STK38: variants seen among roughly 807,000 people sequenced by gnomAD.
The protein encoded by STK38 is serine/threonine kinase 38.
Under a neutral mutation model 59.0 loss-of-function variants are expected in STK38, and 26 were observed. The ratio of observed to expected loss-of-function variants is 0.44; its 90% CI spans 0.32 to 0.61. The LOEUF is 0.61. Among genes scored for constraint, STK38 ranks in the 20% least tolerant of loss-of-function variants. The pLI is 0.04. For missense variants in STK38, 433 were observed against 566.0 expected (o/e 0.76, Z 2.38); for synonymous variants, 175 against 176.6 (o/e 0.99, Z 0.07).
chr6:36,546,698 C>T (rs542728629), intron 1 of STK38, among the ~76,000 whole-genome samples: 1 of 152,290 alleles, frequency 6.6e-6, no homozygotes, highest in African/African-American at 2.4e-5. Context: ...TGATTTGAAG[C>T]TTATCTGAAG....
intron 7 of STK38, among the ~76,000 whole-genome samples, chr6:36,508,482 C>T (rs753432354): frequency 2.0e-5 from 3 of 152,186 alleles, no homozygotes; most frequent in African/African-American, 7.2e-5. Context: ...TATAGCTTTT[C>T]CTCCTCTTAT....
At chr6:36,502,147 T>A (rs1776856055) in intron 9 of STK38, among the ~76,000 whole-genome samples, 1 of 152,134 alleles carries the variant, frequency 6.6e-6, no homozygotes, top group East Asian at 1.9e-4. Flanking sequence ...GGATCTCTTT[T>A]TTTTTCTTTT....
At chr6:36,538,661 A>G (rs985397676) in intron 2 of STK38, among the ~76,000 whole-genome samples, 26 of 152,334 alleles carry the variant, frequency 1.7e-4, no homozygotes, top group African/African-American at 5.8e-4. Context: ...TAACCCCAGC[A>G]CTTTGGGAGG....
In STK38 at chr6:36,508,595, T is replaced by C. The variant is rs140685342; in HGVS notation, c.670-993A>G. 4.1e-3 allele frequency among the ~76,000 whole-genome samples: 619 copies of C among 152,366 alleles called. 4 individuals are homozygous for C. The highest frequency in any genetic ancestry group is 0.017 in the Middle Eastern group (5 of 294). On this transcript the variant is annotated intron_variant, in intron 7 of 13. Coordinates refer to ENST00000229812, the MANE Select transcript of STK38 (RefSeq NM_007271.4). ...GCTATTGCCATGAGATCCTTGGGCT[T>C]CTAGCCAGAAGCCTCTGTGGTCATT... is the stretch of plus-strand genomic sequence containing the variant.
At chr6:36,530,782 C>T (rs112740031) in intron 2 of STK38, among the ~76,000 whole-genome samples, 8,578 of 151,602 alleles carry the variant, frequency 0.057, 566 homozygotes, top group Admixed American at 0.17. Context: ...CTCTGCTTCC[C>T]GGGTTCAGGT....
chr6:36,515,384 A>C lies in STK38; in HGVS notation c.623T>G (p.Phe208Cys). The part of the protein sequence containing the change: ...LAIDSIHQLG[F>C]IHRDIKPDNL... ...GTCTGGTTTGATGTCTCTGTGGATG[A>C]ATCCAAGTTGGTGAATAGAGTCTAT... The change falls in exon 7 of 14, where the codon TTC (phenylalanine) becomes TGC (cysteine). Residue 208 changes from phenylalanine to cysteine, a missense_variant. By Grantham distance (205) the Phe-to-Cys change is radical (BLOSUM62 -2). Around this residue, in one of 3 missense-constraint regions of STK38, gnomAD observed 293 missense variants for 388.2 expected, o/e 0.75. Transcript: ENST00000229812. The C allele has an allele frequency of 6.2e-7, 1 of 1,614,108 alleles. No individual in the cohort carries two copies. Among genetic ancestry groups the C allele is most frequent in the Non-Finnish European group, 8.5e-7 (1 of 1,180,022 alleles).
intron 9 of STK38, among the ~76,000 whole-genome samples, chr6:36,502,724 C>A (rs1776869659): frequency 6.6e-6 from 1 of 152,164 alleles, no homozygotes; most frequent in Admixed American, 6.5e-5. Flanking sequence ...AACATGTACT[C>A]CTCCTCGTCT....
At chr6:36,504,889 C>A (rs534028914) in intron 9 of STK38, among the ~76,000 whole-genome samples, 2 of 106,808 alleles carry the variant, frequency 1.9e-5, no homozygotes, top group East Asian at 5.6e-4. Flanking sequence ...AAGGTTAAAT[C>A]CTGGCCTCCA....
intron 3 of STK38, among the ~76,000 whole-genome samples, chr6:36,525,028 T>C (rs1457827649): frequency 6.6e-6 from 1 of 152,092 alleles, no homozygotes; most frequent in African/African-American, 2.4e-5. Context: ...GATGGATATT[T>C]TGCCTTAATA....
In STK38 at chr6:36,513,848, T is replaced by TAAAAA. The variant is rs1178706954; in HGVS notation, c.669+1485_669+1489dup. On this transcript the variant is annotated intron_variant, in intron 7 of 13. Transcript: ENST00000229812. ...GCGAGACCTCATCTCTACTAAAAAT[T>TAAAAA]AAAAAAAAAAAAAAAAAAAAAAAAA... Among the ~76,000 whole-genome samples the TAAAAA allele has an allele frequency of 4.8e-3, 306 of 63,814 alleles. 5 individuals carry two copies. Among genetic ancestry groups the TAAAAA allele is most frequent in the East Asian group, 0.023 (42 of 1,844 alleles). The allele number at this position is 63,814 out of a possible 152,430, so 41.9% of individuals were successfully genotyped here.
At chr6:36,510,596 C>T (rs1777085760) in intron 7 of STK38, among the ~76,000 whole-genome samples, 1 of 152,254 alleles carries the variant, frequency 6.6e-6, no homozygotes, top group Non-Finnish European at 1.5e-5. Context: ...ATCTTCCCAG[C>T]AGAGGCTCCA....
rs765971207 is a variant in STK38 at position 36,507,526 on chromosome 6, A to G, written c.746T>C (p.Leu249Pro). 8 of 1,614,044 alleles carry G rather than the reference A, an allele frequency of 5.0e-6. No homozygotes were observed. The highest frequency in any genetic ancestry group is 6.8e-6 in the Non-Finnish European group (8 of 1,180,012). Residue 249 changes from leucine to proline, a missense_variant, in exon 8 of 14, where the codon CTG becomes CCG. Coordinates refer to ENST00000229812, the MANE Select transcript of STK38 (RefSeq NM_007271.4). ...GAAATCACTGGGGAGGCTGTGGTTC[A>G]GATTCCTATAAAATTCTGTCCTATG... Reference protein sequence around the residue: ...KAHRTEFYRNLNHSLPSDFTF... With the variant: ...KAHRTEFYRNPNHSLPSDFTF...
At position 36,495,925 on chromosome 6, in the gene STK38, A is replaced by G; in HGVS notation, c.1268-11T>C. On this transcript the variant is annotated splice_polypyrimidine_tract_variant and intron_variant, in intron 13 of 13. Coordinates refer to ENST00000229812, the MANE Select transcript of STK38 (RefSeq NM_007271.4). Reference sequence around the variant, plus strand: ...GATTACTTGTGGCCACTGGGAAAGAAATAGATGTGAGAGTTGATTCACTGC... The same window carrying G: ...GATTACTTGTGGCCACTGGGAAAGAGATAGATGTGAGAGTTGATTCACTGC... The G allele has an allele frequency of 1.2e-6, 2 of 1,613,860 alleles. No individual in the cohort carries two copies. The highest frequency in any genetic ancestry group is 1.7e-6 in the Non-Finnish European group (2 of 1,179,840).
At chr6:36,513,874 G>C (rs1266665996) in intron 7 of STK38, among the ~76,000 whole-genome samples, 1 of 115,422 alleles carries the variant, frequency 8.7e-6, no homozygotes, top group East Asian at 4.5e-4. Flanking sequence ...AAAAAAAAAA[G>C]GCCAGGCTTG....
At chr6:36,504,749 G>A (rs2127469427) in intron 9 of STK38, among the ~76,000 whole-genome samples, 1 of 151,948 alleles carries the variant, frequency 6.6e-6, no homozygotes, top group South Asian at 2.1e-4. Flanking sequence ...TAGAACTATA[G>A]AAATGGTTCC....
Position 36,497,872 on chromosome 6 carries a change from G to A in STK38, c.1080C>T (p.Phe360=). The A allele has an allele frequency of 6.2e-7, 1 of 1,607,874 alleles. No individual in the cohort carries two copies. Among genetic ancestry groups the A allele is most frequent in the South Asian group, 1.1e-5 (1 of 90,236 alleles). Residue 360 remains phenylalanine (F), a synonymous_variant, in exon 12 of 14, where the codon TTC becomes TTT. Coordinates refer to ENST00000229812, the MANE Select transcript of STK38 (RefSeq NM_007271.4). ...CAATTCTATGTTCCCATTCACAGCA[G>A]AACCTGGAAAAGACAGAGGCCTTTC... ...SEKAKDLILR[F]CCEWEHRIGA... is the part of the protein sequence containing the mutation.
chr6:36,534,939 TA>T (rs1005441508), intron 2 of STK38, among the ~76,000 whole-genome samples: 51 of 150,222 alleles, frequency 3.4e-4, no homozygotes, highest in Admixed American at 1.1e-3. Flanking sequence ...ATATGCAAAT[TA>T]AAAAAAAATC....
chr6:36,541,450 T>C (rs545684005), intron 1 of STK38, among the ~76,000 whole-genome samples: 4 of 152,246 alleles, frequency 2.6e-5, no homozygotes, highest in Non-Finnish European at 4.4e-5. Context: ...TCTAAAAATC[T>C]ACCTTGAAGA....
intron 4 of STK38, among the ~76,000 whole-genome samples, chr6:36,523,178 C>G (rs1777423217): frequency 6.6e-6 from 1 of 152,024 alleles, no homozygotes; most frequent in Non-Finnish European, 1.5e-5. Flanking sequence ...TTTCAAGAAG[C>G]CAATAGGAAT....
Sources: gnomAD v4.1 joint callset for allele counts (sites outside exome capture counted in the v4.1 genomes callset) on GRCh38, gnomAD v4.1.1 for gene constraint, gnomAD v4.1.1 regional missense constraint, MANE v1.5 for transcripts, NCBI Gene and HGNC (gene_info 2026-07-23, HGNC 2026-07-21) for gene names.